The following TENM3 variants were observed in gnomAD, a reference collection of about 807,000 sequenced individuals.
TENM3 encodes the protein teneurin-3.
In TENM3, 63 loss-of-function variants were observed where a neutral mutation model predicts 255.1. The observed-to-expected ratio is 0.25, with a 90% CI of 0.20 to 0.30. TENM3 has a LOEUF of 0.30. Ranked by LOEUF, TENM3 falls within the 10% of genes least tolerant of loss-of-function variation. The pLI, the probability that TENM3 is intolerant of heterozygous loss-of-function variation, is 1.00. For missense variants in TENM3, 2,929 were observed against 3,461.1 expected (o/e 0.85, Z 3.86); for synonymous variants, 1,306 against 1,322.3 (o/e 0.99, Z 0.27).
At chr4:182,728,178 C>T (rs981380664) in intron 13 of TENM3, among the ~76,000 whole-genome samples, 1 of 152,078 alleles carries the variant, frequency 6.6e-6, no homozygotes, top group Non-Finnish European at 1.5e-5. Context: ...AGGTGGTTGG[C>T]TCATCTCATC....
chr4:182,358,493 G>C (rs1405198530), intron 3 of TENM3, among the ~76,000 whole-genome samples: 1 of 114,656 alleles, frequency 8.7e-6, no homozygotes, highest in Non-Finnish European at 1.9e-5. Context: ...GTGAATGGGA[G>C]TTCCCTCATG....
the TENM3 span, among the ~76,000 whole-genome samples, chr4:182,100,841 T>TATA: frequency 6.9e-4 from 11 of 15,908 alleles, 2 homozygotes; most frequent in Non-Finnish European, 9.1e-4. Context: ...ATATATATAC[T>TATA]CATATATATA....
chr4:182,476,373 C>CGT (rs1733685365), intron 3 of TENM3, among the ~76,000 whole-genome samples: 1 of 152,064 alleles, frequency 6.6e-6, no homozygotes, highest in Non-Finnish European at 1.5e-5. Flanking sequence ...AGAAGAAAAA[C>CGT]CTGATAGCAT....
chr4:182,060,739 T>C, the TENM3 span, among the ~76,000 whole-genome samples: 1 of 152,206 alleles, frequency 6.6e-6, no homozygotes, highest in African/African-American at 2.4e-5. Context: ...AATTTTGAAA[T>C]ACCTTAAAAC....
chr4:182,564,961 G>A (rs773298637), intron 3 of TENM3, among the ~76,000 whole-genome samples: 56 of 152,080 alleles, frequency 3.7e-4, no homozygotes, highest in African/African-American at 4.8e-4. Flanking sequence ...AATATGTGCC[G>A]TCTTACTTAT....
rs1358242660 is a variant in TENM3, at chr4:182,309,932, A to G, written c.-75-14014A>G. Among the ~76,000 whole-genome samples, 3 of 152,150 alleles carry G rather than the reference A, an allele frequency of 2.0e-5. No homozygotes were observed. In the East Asian group the frequency reaches 5.8e-4, roughly 29 times the overall value. On this transcript the variant is annotated intron_variant, in intron 1 of 27. Transcript: ENST00000511685. ...ATAACTGTGCTGAATGCCCTAAAAA[A>G]CTTTATCTCATTTAATCTTCATAAT...
At chr4:181,511,785 A>G in the TENM3 span, among the ~76,000 whole-genome samples, 1 of 152,104 alleles carries the variant, frequency 6.6e-6, no homozygotes, top group East Asian at 1.9e-4. Flanking sequence ...ATAGTGGAGG[A>G]CTGTGGACCA....
In TENM3 at chr4:182,488,663, A is replaced by C. The variant is rs80319164; in HGVS notation, c.512-112261A>C. The stretch of plus-strand genomic sequence containing the variant: ...GGTAGTTAATGAATACCACGGAAAG[A>C]AGTCAGAGACAGGACAACTGAAAGC... On this transcript the variant is annotated intron_variant, in intron 3 of 27. Coordinates refer to ENST00000511685, the MANE Select transcript of TENM3 (RefSeq NM_001080477.4). Among the ~76,000 whole-genome samples the C allele has an allele frequency of 7.1e-3, 1,085 of 152,308 alleles. 14 individuals are homozygous for C. The highest frequency in any genetic ancestry group is 0.025 in the African/African-American group (1,035 of 41,556).
At chr4:182,344,271 A>C (rs1764662921) in intron 2 of TENM3, among the ~76,000 whole-genome samples, 1 of 152,176 alleles carries the variant, frequency 6.6e-6, no homozygotes, top group African/African-American at 2.4e-5. Flanking sequence ...GGGAAACTAA[A>C]ACAAACTTTT....
chr4:182,728,361 C>G lies in TENM3; in HGVS notation c.2369-604C>G, dbSNP rs113250048. Among the ~76,000 whole-genome samples, 1,483 of 152,336 alleles carry G rather than the reference C, an allele frequency of 9.7e-3. 28 individuals are homozygous for G. Among genetic ancestry groups the G allele is most frequent in the African/African-American group, 0.034 (1,401 of 41,564 alleles). On this transcript the variant is annotated intron_variant, in intron 13 of 27. Transcript: ENST00000511685. The stretch of plus-strand genomic sequence containing the variant: ...AATATTTGAGTAGCTTTACTTACAA[C>G]TAATCCATATTCCTTCATACTCCTA...
the TENM3 span, among the ~76,000 whole-genome samples, chr4:181,817,719 T>C: frequency 6.6e-6 from 1 of 152,146 alleles, no homozygotes; most frequent in Non-Finnish European, 1.5e-5. Flanking sequence ...CCTTCTTCCA[T>C]ATGAGGATGC....
intron 1 of TENM3, among the ~76,000 whole-genome samples, chr4:182,215,978 AC>A (rs1372193415): frequency 6.6e-6 from 1 of 152,004 alleles, no homozygotes; most frequent in Non-Finnish European, 1.5e-5. Flanking sequence ...AAACGACACT[AC>A]CCCCTCTCCC....
intron 1 of TENM3, among the ~76,000 whole-genome samples, chr4:182,174,480 G>A (rs1752322534): frequency 7.3e-6 from 1 of 137,818 alleles, no homozygotes; most frequent in Admixed American, 7.4e-5. Flanking sequence ...TTCATCTAAG[G>A]AAAGCTTCCT....
At chr4:181,544,888 A>T in the TENM3 span, among the ~76,000 whole-genome samples, 1 of 152,212 alleles carries the variant, frequency 6.6e-6, no homozygotes, top group Non-Finnish European at 1.5e-5. Context: ...AGAGCTGACA[A>T]ATGTTTTTGC....
the TENM3 span, among the ~76,000 whole-genome samples, chr4:181,968,676 A>T: frequency 6.6e-6 from 1 of 152,214 alleles, no homozygotes; most frequent in African/African-American, 2.4e-5. Flanking sequence ...CTACTTTGGA[A>T]TTTGTCTCAA....
At chr4:182,479,669 T>TA (rs1406264642) in intron 3 of TENM3, among the ~76,000 whole-genome samples, 21 of 151,686 alleles carry the variant, frequency 1.4e-4, no homozygotes, top group Admixed American at 1.4e-3. Flanking sequence ...ATACTATTTT[T>TA]ACAGTACTCT....
intron 1 of TENM3, among the ~76,000 whole-genome samples, chr4:182,272,850 G>A (rs1342970548): frequency 1.3e-5 from 2 of 152,160 alleles, no homozygotes; most frequent in African/African-American, 4.8e-5. Context: ...AGCACCATGA[G>A]AGAGAATGGC....
At chr4:182,004,418 T>C in the TENM3 span, among the ~76,000 whole-genome samples, 1 of 152,214 alleles carries the variant, frequency 6.6e-6, no homozygotes, top group Non-Finnish European at 1.5e-5. Context: ...CATGGCTGCA[T>C]AGTATTACAT....
At chr4:181,665,738 T>G in the TENM3 span, among the ~76,000 whole-genome samples, 1 of 152,104 alleles carries the variant, frequency 6.6e-6, no homozygotes, top group Non-Finnish European at 1.5e-5. Context: ...CTAGCACATT[T>G]AACACCTGGA....
Sources: gnomAD v4.1 joint callset for allele counts (sites outside exome capture counted in the v4.1 genomes callset) on GRCh38, gnomAD v4.1.1 for gene constraint, MANE v1.5 for transcripts, NCBI Gene and HGNC (gene_info 2026-07-23, HGNC 2026-07-21) for gene names.